PLXDC2: variants seen among roughly 807,000 people sequenced by gnomAD.
The protein encoded by PLXDC2 is plexin domain containing 2, also known as plexin domain-containing protein 2.
Under a neutral mutation model 68.9 loss-of-function variants are expected in PLXDC2, and 40 were observed. The ratio of observed to expected loss-of-function variants is 0.58; its 90% CI spans 0.45 to 0.76. PLXDC2 has a LOEUF of 0.76. PLXDC2 is among the 30% of genes least tolerant of loss of function. The pLI, the probability that PLXDC2 is intolerant of heterozygous loss-of-function variation, is 0.00. For missense variants in PLXDC2, 644 were observed against 661.9 expected (o/e 0.97, Z 0.30); for synonymous variants, 243 against 234.2 (o/e 1.04, Z -0.34).
intron 2 of PLXDC2, among the ~76,000 whole-genome samples, chr10:20,006,735 G>A (rs1012223184): frequency 2.0e-5 from 3 of 152,172 alleles, no homozygotes; most frequent in African/African-American, 7.2e-5. Context: ...GTAAAACTTG[G>A]TAGCCCAGTT....
intron 9 of PLXDC2, among the ~76,000 whole-genome samples, chr10:20,189,542 T>TACACAC (rs371344350): frequency 0.013 from 1,594 of 118,928 alleles, 19 homozygotes; most frequent in Non-Finnish European, 0.022. Context: ...CACATATATA[T>TACACAC]ACACACACAC....
chr10:19,951,307 C>A (rs965735210), intron 1 of PLXDC2, among the ~76,000 whole-genome samples: 1 of 151,872 alleles, frequency 6.6e-6, no homozygotes, highest in Non-Finnish European at 1.5e-5. Flanking sequence ...CAAAGCAACC[C>A]CATTAAAAAG....
chr10:20,158,924 C>T (rs1834254297), intron 6 of PLXDC2, among the ~76,000 whole-genome samples: 1 of 152,006 alleles, frequency 6.6e-6, no homozygotes, highest in Non-Finnish European at 1.5e-5. Context: ...TCAGTTTTTT[C>T]AAAATCTGGC....
At chr10:20,072,102 T>C (rs757139474) in intron 4 of PLXDC2, among the ~76,000 whole-genome samples, 2 of 151,570 alleles carry the variant, frequency 1.3e-5, no homozygotes, top group Admixed American at 1.3e-4. Context: ...ATCTCAGCAC[T>C]TTAGGAGGCC....
At chr10:19,962,989 CAAAA>C (rs56922353) in intron 1 of PLXDC2, among the ~76,000 whole-genome samples, 1 of 88,250 alleles carries the variant, frequency 1.1e-5, no homozygotes, top group Non-Finnish European at 2.2e-5. Context: ...GACTACGTCT[CAAAA>C]AAAAAAAAAA....
At position 20,217,421 on chromosome 10, in the gene PLXDC2, A is replaced by G. The variant is rs772641605; in HGVS notation, c.1123-5A>G. On this transcript the variant is annotated splice_polypyrimidine_tract_variant and splice_region_variant and intron_variant, in intron 10 of 13. Coordinates refer to ENST00000377252, the MANE Select transcript of PLXDC2 (RefSeq NM_032812.9). Reference sequence around the variant, plus strand: ...ATTTGTTTTCCTTTTCTTTTCTCTTACTAGTCAAAAGAGAAGATGTGTGAG... The same window carrying G: ...ATTTGTTTTCCTTTTCTTTTCTCTTGCTAGTCAAAAGAGAAGATGTGTGAG... The G allele has an allele frequency of 6.2e-7, 1 of 1,602,612 alleles. No individual in the cohort carries two copies. The highest frequency in any genetic ancestry group is 1.7e-5 in the Admixed American group (1 of 58,482).
chr10:19,985,789 T>C (rs1834626880), intron 1 of PLXDC2, among the ~76,000 whole-genome samples: 1 of 152,224 alleles, frequency 6.6e-6, no homozygotes, highest in African/African-American at 2.4e-5. Flanking sequence ...TGTTAAGTCA[T>C]GTGTTGGATC....
At chr10:19,968,598 C>A (rs889082622) in intron 1 of PLXDC2, among the ~76,000 whole-genome samples, 1 of 152,160 alleles carries the variant, frequency 6.6e-6, no homozygotes, top group Non-Finnish European at 1.5e-5. Flanking sequence ...TAGGCATGAG[C>A]CACCGCACCC....
chr10:19,825,512 C>T (rs1216135020), intron 1 of PLXDC2, among the ~76,000 whole-genome samples: 32 of 152,148 alleles, frequency 2.1e-4, no homozygotes, highest in Admixed American at 2.1e-3. Context: ...GAATATGGAA[C>T]ATTGAACATT....
chr10:19,906,513 G>T (rs1833160329), intron 1 of PLXDC2, among the ~76,000 whole-genome samples: 1 of 152,182 alleles, frequency 6.6e-6, no homozygotes. Flanking sequence ...GTCCTTAGTT[G>T]CCTGTTACAT....
At chr10:19,920,514 C>T (rs536313619) in intron 1 of PLXDC2, among the ~76,000 whole-genome samples, 26 of 152,322 alleles carry the variant, frequency 1.7e-4, no homozygotes, top group African/African-American at 6.3e-4. Context: ...GCCACCAGGC[C>T]ATGAACTGGT....
chr10:20,121,498 T>G (rs1833697100), intron 4 of PLXDC2, among the ~76,000 whole-genome samples: 1 of 152,186 alleles, frequency 6.6e-6, no homozygotes, highest in Non-Finnish European at 1.5e-5. Context: ...AATTTGGGCT[T>G]GACTGAAGTA....
intron 4 of PLXDC2, among the ~76,000 whole-genome samples, chr10:20,099,846 T>G: frequency 6.6e-6 from 1 of 152,288 alleles, no homozygotes; most frequent in South Asian, 2.1e-4. Context: ...TAGTAATTCA[T>G]TTTAAAGTAG....
At chr10:20,246,496 A>T (rs1357134477) in intron 13 of PLXDC2, among the ~76,000 whole-genome samples, 1 of 152,160 alleles carries the variant, frequency 6.6e-6, no homozygotes, top group East Asian at 1.9e-4. Flanking sequence ...ACTAGAGGCA[A>T]ACACTACCAC....
intron 1 of PLXDC2, among the ~76,000 whole-genome samples, chr10:19,834,084 A>C (rs532066107): frequency 6.6e-6 from 1 of 152,246 alleles, no homozygotes; most frequent in South Asian, 2.1e-4. Context: ...TTGTTCCTGC[A>C]TGAACTTGCA....
rs1381402631 is a variant in PLXDC2, at chr10:20,288,423, T to C, written c.*8604T>C. On this transcript the variant is annotated 3_prime_UTR_variant, in exon 14 of 14. Coordinates refer to ENST00000377252, the MANE Select transcript of PLXDC2 (RefSeq NM_032812.9). ...TGCTAAAATAACCAGCCCATACTTC[T>C]CGGTGACCTTCTGTTGAACGTACCT... The C allele has an allele frequency of 6.6e-6, 1 of 152,106 alleles. No homozygotes were observed. The allele number at this position is 152,106 out of a possible 1,614,324, so 9.4% of individuals were successfully genotyped here.
intron 1 of PLXDC2, among the ~76,000 whole-genome samples, chr10:19,956,658 G>A (rs939188091): frequency 6.6e-6 from 1 of 152,204 alleles, no homozygotes; most frequent in Non-Finnish European, 1.5e-5. Flanking sequence ...CAAAAGGAGA[G>A]ATGGAATAAA....
rs1351220379 is a variant in PLXDC2, at chr10:20,286,758, CTT to C, written c.*6940_*6941del. The C allele has an allele frequency of 6.6e-6, 1 of 152,124 alleles. No homozygotes were observed. The highest frequency in any genetic ancestry group is 1.5e-5 in the Non-Finnish European group (1 of 68,042). The allele number at this position is 152,124 out of a possible 1,614,324, so 9.4% of individuals were successfully genotyped here. ...TTGTTGTTTGAGATGGGGTTTTGCT[CTT>C]GTTACCCAGGCTGGAGTGCAATGGC... is the stretch of plus-strand genomic sequence containing the variant. On this transcript the variant is annotated 3_prime_UTR_variant, in exon 14 of 14. Coordinates refer to ENST00000377252, the MANE Select transcript of PLXDC2 (RefSeq NM_032812.9).
chr10:19,987,403 A>T (rs370201145), intron 1 of PLXDC2, among the ~76,000 whole-genome samples: 1 of 152,158 alleles, frequency 6.6e-6, no homozygotes, highest in East Asian at 1.9e-4. Flanking sequence ...GTCCCAGAAC[A>T]TAATTTTTTA....
Sources: gnomAD v4.1 joint callset for allele counts (sites outside exome capture counted in the v4.1 genomes callset) on GRCh38, gnomAD v4.1.1 for gene constraint, MANE v1.5 for transcripts, NCBI Gene and HGNC (gene_info 2026-07-23, HGNC 2026-07-21) for gene names.